ADGRL2: variants seen among roughly 807,000 people sequenced by gnomAD.
ADGRL2 encodes the protein calcium-independent alpha-latrotoxin receptor 2.
In ADGRL2, 44 loss-of-function variants were observed where a neutral mutation model predicts 157.4. That is an observed-to-expected ratio of 0.28 (90% CI 0.22 to 0.36). ADGRL2 has a LOEUF of 0.36. Ranked by LOEUF, ADGRL2 falls within the 10% of genes least tolerant of loss-of-function variation. The probability of loss-of-function intolerance (pLI) is 1.00; values close to 1 mark genes in which losing one functional copy is unlikely to be tolerated. For synonymous variants in ADGRL2, 585 were observed against 624.7 expected, an observed-to-expected ratio of 0.94 and a Z score of 0.95; for missense variants, 1,510 against 1,768.9, an observed-to-expected ratio of 0.85 and a Z score of 2.63.
At chr1:81,341,655 G>A (rs184709641) in intron 1 of ADGRL2, among the ~76,000 whole-genome samples, 92 of 152,198 alleles carry the variant, frequency 6.0e-4, no homozygotes, top group African/African-American at 2.2e-3. Context: ...TTTAATGGAA[G>A]TGATACTTAA....
At chr1:81,571,706 TAA>T (rs1014681138) in intron 2 of ADGRL2, among the ~76,000 whole-genome samples, 4 of 152,094 alleles carry the variant, frequency 2.6e-5, no homozygotes, top group Non-Finnish European at 4.4e-5. Flanking sequence ...CTAAAAATAT[TAA>T]GTCATTCTAG....
chr1:81,639,449 A>G (rs762276990), intron 3 of ADGRL2, among the ~76,000 whole-genome samples: 2 of 149,792 alleles, frequency 1.3e-5, no homozygotes, highest in Non-Finnish European at 2.9e-5. Flanking sequence ...CATGCCCATA[A>G]TCCTAACACT....
intron 3 of ADGRL2, among the ~76,000 whole-genome samples, chr1:81,630,124 A>C (rs1419757023): frequency 1.3e-5 from 2 of 152,100 alleles, no homozygotes; most frequent in Non-Finnish European, 2.9e-5. Flanking sequence ...AATTTCCTAG[A>C]AGCAGAGCTG....
In ADGRL2 at chr1:81,992,473, G is replaced by A. The variant is rs983248935; in HGVS notation, c.*1328G>A. 6.6e-6 allele frequency: 1 copy of A among 152,342 alleles called. No homozygotes were observed. Among genetic ancestry groups the A allele is most frequent in the Non-Finnish European group, 1.5e-5 (1 of 68,006 alleles). 9.4% of individuals were successfully genotyped at this position (152,342 alleles called of 1,614,324 possible). A position where few individuals can be genotyped will look rare whatever the true frequency, so the allele number is the denominator to read the frequency against. The stretch of plus-strand genomic sequence containing the variant: ...GATACATAATTGGCTTTAACATGTT[G>A]GTCCATTCCCACCTTGGTTTAAGTA... On this transcript the variant is annotated 3_prime_UTR_variant, in exon 24 of 24. Transcript: ENST00000686636.
intron 2 of ADGRL2, among the ~76,000 whole-genome samples, chr1:81,471,004 A>G (rs923008225): frequency 2.6e-5 from 4 of 152,222 alleles, no homozygotes; most frequent in Non-Finnish European, 2.9e-5. Flanking sequence ...CAAATAATTT[A>G]ACCTCTCATA....
chr1:81,933,219 A>G (rs537449928), intron 3 of ADGRL2, among the ~76,000 whole-genome samples: 12 of 152,346 alleles, frequency 7.9e-5, no homozygotes, highest in Non-Finnish European at 1.5e-4. Context: ...TTCAAATTGT[A>G]GTAAAATGTC....
intron 2 of ADGRL2, among the ~76,000 whole-genome samples, chr1:81,476,145 GAGAA>G (rs61571482): frequency 0.013 from 1,877 of 150,064 alleles, 63 homozygotes; most frequent in East Asian, 0.12. Flanking sequence ...AAGAAAGAAA[GAGAA>G]AGAGCATAAG....
chr1:81,346,487 C>T (rs1226084249), intron 1 of ADGRL2, among the ~76,000 whole-genome samples: 2 of 152,078 alleles, frequency 1.3e-5, no homozygotes, highest in Non-Finnish European at 1.5e-5. Context: ...ATATTGGAAG[C>T]CTAACCCTGC....
chr1:81,801,478 G>A (rs1367398034), intron 1 of ADGRL2, among the ~76,000 whole-genome samples: 2 of 152,184 alleles, frequency 1.3e-5, no homozygotes, highest in African/African-American at 4.8e-5. Context: ...GAGGTGCTGG[G>A]GCGAAATCGG....
At chr1:81,989,543 C>G (rs923585104) in intron 23 of ADGRL2, 3 of 694,774 alleles carry the variant, frequency 4.3e-6, no homozygotes, top group Non-Finnish European at 7.4e-6. Context: ...AAATAAAAGG[C>G]TGCTATTGCT....
intron 6 of ADGRL2, among the ~76,000 whole-genome samples, chr1:81,949,475 G>C (rs1157009089): frequency 1.3e-5 from 2 of 152,216 alleles, no homozygotes; most frequent in African/African-American, 4.8e-5. Flanking sequence ...GGGTTGGTTT[G>C]AATTAGGCAT....
At chr1:81,972,991 A>G (rs1659194789) in intron 17 of ADGRL2, among the ~76,000 whole-genome samples, 1 of 151,680 alleles carries the variant, frequency 6.6e-6, no homozygotes, top group African/African-American at 2.4e-5. Flanking sequence ...AAACATAAAT[A>G]CTTCCTATTT....
chr1:81,614,837 C>A (rs2148682688), intron 3 of ADGRL2, among the ~76,000 whole-genome samples: 1 of 143,608 alleles, frequency 7.0e-6, no homozygotes, highest in East Asian at 2.1e-4. Flanking sequence ...AGAAACCCAT[C>A]TCTACAAATT....
At chr1:81,532,977 A>ATCTATCATCTG (rs2079642302) in intron 2 of ADGRL2, among the ~76,000 whole-genome samples, 1 of 138,320 alleles carries the variant, frequency 7.2e-6, no homozygotes, top group Non-Finnish European at 1.6e-5. Context: ...TCTATCATCT[A>ATCTATCATCTG]TCTATCTATC....
intron 1 of ADGRL2, among the ~76,000 whole-genome samples, chr1:81,830,425 C>T (rs1446155185): frequency 6.6e-6 from 1 of 152,196 alleles, no homozygotes. Context: ...CATTTAATTA[C>T]AAAGGCAATG....
intron 2 of ADGRL2, among the ~76,000 whole-genome samples, chr1:81,767,540 G>T (rs2086178614): frequency 6.6e-6 from 1 of 152,096 alleles, no homozygotes; most frequent in South Asian, 2.1e-4. Context: ...ATGTTAATAG[G>T]ATGAGGTTAA....
At chr1:81,560,428 TC>T (rs2080413223) in intron 2 of ADGRL2, among the ~76,000 whole-genome samples, 1 of 152,176 alleles carries the variant, frequency 6.6e-6, no homozygotes, top group Admixed American at 6.5e-5. Context: ...ATACATCGAA[TC>T]CTTAGTGCTG....
intron 10 of ADGRL2, 140 bp from the exon 11 acceptor site, chr1:81,955,737 T>C: frequency 1.8e-6 from 1 of 545,514 alleles, no homozygotes; most frequent in Non-Finnish European, 3.3e-6. Flanking sequence ...CAGATATATG[T>C]TGTCTAGGTG....
intron 1 of ADGRL2, among the ~76,000 whole-genome samples, chr1:81,378,349 G>A (rs1487972443): frequency 1.3e-5 from 2 of 151,842 alleles, no homozygotes; most frequent in East Asian, 1.9e-4. Flanking sequence ...CCAGGAGTTC[G>A]AGACCAGCCT....
Sources: gnomAD v4.1 joint callset for allele counts (sites outside exome capture counted in the v4.1 genomes callset) on GRCh38, gnomAD v4.1.1 for gene constraint, MANE v1.5 for transcripts, NCBI Gene and HGNC (gene_info 2026-07-23, HGNC 2026-07-21) for gene names.